DENND2D: variants seen among roughly 807,000 people sequenced by gnomAD.
DENND2D encodes the protein DENN domain containing 2D.
A neutral mutation model predicts 59.8 loss-of-function variants in DENND2D; 37 were observed. The observed-to-expected ratio is 0.62, with a 90% confidence interval of 0.48 to 0.81. The LOEUF is 0.81. Among genes scored for constraint, DENND2D ranks in the 40% least tolerant of loss-of-function variants. DENND2D has a pLI of 0.00. For synonymous variants in DENND2D, 219 were observed against 211.3 expected, an observed-to-expected ratio of 1.04 and a Z score of -0.31; for missense variants, 525 against 579.7, an observed-to-expected ratio of 0.91 and a Z score of 0.97.
chr1:111,204,509 C>A (rs1659122037), upstream of DENND2D: 1 of 798,940 alleles, frequency 1.3e-6, no homozygotes, highest in Non-Finnish European at 1.7e-6. Context: ...TCCGGCCCAA[C>A]CCCCGGGCGC....
chr1:111,204,244 G>A (rs894033135), upstream of DENND2D: 3 of 1,442,094 alleles, frequency 2.1e-6, no homozygotes, highest in African/African-American at 1.5e-5. Context: ...CCCTAGCCCC[G>A]GCTCCCCGGT....
At chr1:111,197,866 C>T (rs2101493641) in intron 4 of DENND2D, 54 bp downstream of exon 4, 2 of 1,610,828 alleles carry the variant, frequency 1.2e-6, no homozygotes, top group East Asian at 4.5e-5. Flanking sequence ...GCAAGCCCAG[C>T]CGTGGAGCTG....
At chr1:111,198,192 C>T (rs1015921677) in intron 3 of DENND2D, among the ~76,000 whole-genome samples, 1 of 152,196 alleles carries the variant, frequency 6.6e-6, no homozygotes, top group Admixed American at 6.5e-5. Context: ...AGTAATTATT[C>T]CCACTTTAAA....
intron 8 of DENND2D, among the ~76,000 whole-genome samples, chr1:111,190,684 C>T (rs1306580293): frequency 6.6e-6 from 1 of 152,194 alleles, no homozygotes; most frequent in Non-Finnish European, 1.5e-5. Context: ...CCCGCTGGGC[C>T]TCTCTTTTCC....
At chr1:111,194,862 T>C in intron 6 of DENND2D, 136 bp from the exon 7 acceptor site, 2 of 966,856 alleles carry the variant, frequency 2.1e-6, no homozygotes, top group Non-Finnish European at 3.1e-6. Flanking sequence ...GTCCCCCTGC[T>C]AATTGGCTGG....
intron 8 of DENND2D, among the ~76,000 whole-genome samples, chr1:111,189,589 T>C (rs930669305): frequency 6.6e-6 from 1 of 152,224 alleles, no homozygotes; most frequent in African/African-American, 2.4e-5. Context: ...GAGCATTTAG[T>C]ACATTGTTCA....
chr1:111,189,541 C>CT (rs778935696), intron 8 of DENND2D, among the ~76,000 whole-genome samples: 1 of 152,186 alleles, frequency 6.6e-6, no homozygotes, highest in Non-Finnish European at 1.5e-5. Flanking sequence ...CAGTCACTCC[C>CT]TTAATAAAAC....
intron 4 of DENND2D, chr1:111,197,481 G>C (rs971229461): frequency 1.1e-5 from 16 of 1,406,748 alleles, no homozygotes; most frequent in Admixed American, 3.0e-5. Flanking sequence ...ACAATCTGGG[G>C]TCAGCAAAGA....
Position 111,188,401 on chromosome 1 carries a change from G to C in DENND2D, c.1100-31C>G, listed in dbSNP as rs766864983. On this transcript the variant is annotated intron_variant, in intron 10 of 11. Coordinates refer to ENST00000357640, the MANE Select transcript of DENND2D (RefSeq NM_024901.5). ...GGAGATATAAAGGCCATCTCAGAGGGTAGCAGAAGGATGAAATTACCCAAA... is the reference window on the plus strand; with the variant it reads ...GGAGATATAAAGGCCATCTCAGAGGCTAGCAGAAGGATGAAATTACCCAAA... 2.5e-6 allele frequency: 4 copies of C among 1,603,284 alleles called. No individual in the cohort carries two copies. In the South Asian group the frequency reaches 4.4e-5, roughly 18 times the overall value.
intron 11 of DENND2D, 61 bp downstream of exon 11, chr1:111,188,070 C>T: frequency 6.3e-7 from 1 of 1,578,170 alleles, no homozygotes; most frequent in Non-Finnish European, 8.6e-7. Context: ...TTTCTTTCCC[C>T]TCCTCTTTAT....
At chr1:111,200,198 G>A in intron 1 of DENND2D, 195 bp downstream of exon 1, 1 of 673,168 alleles carries the variant, frequency 1.5e-6, no homozygotes, top group Non-Finnish European at 2.5e-6. Flanking sequence ...GCATGTGACT[G>A]TGACCACACT....
In DENND2D at chr1:111,197,462, A is replaced by G. The variant is rs1025095452; in HGVS notation, c.427-209T>C. On this transcript the variant is annotated intron_variant, in intron 4 of 11. Coordinates refer to ENST00000357640, the MANE Select transcript of DENND2D (RefSeq NM_024901.5). ...TTGGTGGGCAAGCGCTGCCACCTTC[A>G]GTGCCAGCACAATCTGGGGTCAGCA... is the stretch of plus-strand genomic sequence containing the variant. The G allele has an allele frequency of 5.0e-5, 71 of 1,424,116 alleles. No individual in the cohort carries two copies. In the East Asian group the frequency reaches 1.5e-3, roughly 31 times the overall value. The allele number at this position is 1,424,116 out of a possible 1,614,324, so 88.2% of individuals were successfully genotyped here.
upstream of DENND2D, among the ~76,000 whole-genome samples, chr1:111,202,696 T>TATACACACACAC (rs1553245456): frequency 7.7e-5 from 11 of 142,858 alleles, no homozygotes; most frequent in African/African-American, 2.9e-4. Context: ...GTCACCAGGA[T>TATACACACACAC]ACACACACAC....
At chr1:111,198,598 T>C in intron 3 of DENND2D, 32 bp downstream of exon 3, 1 of 1,608,030 alleles carries the variant, frequency 6.2e-7, no homozygotes. Flanking sequence ...TCTCCCCAAA[T>C]CCAATACCCT....
rs751212764 is a variant in DENND2D at position 111,192,306 on chromosome 1, T to C, written c.806A>G (p.Gln269Arg). ...CAGTGCGGCAGCAGCATGGATGCAC[T>C]GAGACAAGGTGCTGGGACAGAGCAC... ...FLAEGLSTLS[Q>R]CIHAAAALLY... The change falls in exon 8 of 12, where the codon CAG becomes CGG. Residue 269 changes from glutamine to arginine, a missense_variant. By Grantham distance (43) the Gln-to-Arg change is conservative. This residue lies in a region of DENND2D where 225 missense variants were observed against 252.4 expected (regional missense o/e 0.89). Coordinates refer to ENST00000357640, the MANE Select transcript of DENND2D (RefSeq NM_024901.5). The C allele has an allele frequency of 1.2e-6, 2 of 1,605,018 alleles. No individual in the cohort carries two copies. The highest frequency in any genetic ancestry group is 2.2e-5 in the East Asian group (1 of 44,696).
chr1:111,199,961 G>A, intron 1 of DENND2D, 163 bp from the exon 2 acceptor site: 1 of 881,632 alleles, frequency 1.1e-6, no homozygotes, highest in Non-Finnish European at 1.7e-6. Context: ...AGGGCCAAAT[G>A]GGCAGTTTCC....
upstream of DENND2D, among the ~76,000 whole-genome samples, chr1:111,202,865 C>T (rs1380142061): frequency 6.6e-6 from 1 of 151,100 alleles, no homozygotes; most frequent in Non-Finnish European, 1.5e-5. Flanking sequence ...TCAGTTCTTA[C>T]AGTTCCTCAG....
upstream of DENND2D, among the ~76,000 whole-genome samples, chr1:111,202,093 G>T (rs182271574): frequency 2.0e-5 from 3 of 152,312 alleles, no homozygotes; most frequent in East Asian, 3.9e-4. Context: ...CCTTCTGGAT[G>T]CATTTGACAT....
upstream of DENND2D, among the ~76,000 whole-genome samples, chr1:111,202,221 A>G (rs9429411): frequency 5.7e-4 from 87 of 152,164 alleles, no homozygotes; most frequent in African/African-American, 2.0e-3. Flanking sequence ...TTTTCAGATC[A>G]TTTTCTTCTG....
Sources: gnomAD v4.1 joint callset for allele counts (sites outside exome capture counted in the v4.1 genomes callset) on GRCh38, gnomAD v4.1.1 for gene constraint, gnomAD v4.1.1 regional missense constraint, MANE v1.5 for transcripts, NCBI Gene and HGNC (gene_info 2026-07-23, HGNC 2026-07-21) for gene names.